The following VEGFC variants were observed in gnomAD, a reference collection of about 807,000 sequenced individuals.
The protein encoded by VEGFC is vascular endothelial growth factor C.
A neutral mutation model predicts 46.1 loss-of-function variants in VEGFC; 12 were observed. The observed-to-expected ratio is 0.26, with a 90% confidence interval of 0.17 to 0.42. The LOEUF (loss-of-function observed/expected upper bound fraction) is 0.42, where lower values mean the gene tolerates loss of function less well. Among genes scored for constraint, VEGFC ranks in the 10% least tolerant of loss-of-function variants. The probability of loss-of-function intolerance (pLI) is 1.00; values close to 1 mark genes in which losing one functional copy is unlikely to be tolerated. For synonymous variants in VEGFC, 232 were observed against 195.5 expected (o/e 1.19, Z -1.56); for missense variants, 488 against 529.4 (o/e 0.92, Z 0.77).
In VEGFC at chr4:176,687,389, A is replaced by T; in HGVS notation, c.943T>A (p.Cys315Ser). Reference sequence around the variant, plus strand: ...AGTTTGTTTTTACAGACACACTGGCATGAGTTTCTGTCTAGTTCTTTGTGG... The same window carrying T: ...AGTTTGTTTTTACAGACACACTGGCTTGAGTTTCTGTCTAGTTCTTTGTGG... ...GPHKELDRNS[C>S]QCVCKNKLFP... The change falls in exon 6 of 7, where the codon TGC becomes AGC. Residue 315 changes from cysteine (C) to serine (S), a missense_variant. Cys to Ser is a moderately radical substitution (Grantham distance 112). Transcript: ENST00000618562. 1 of 1,614,200 alleles carries T rather than the reference A, an allele frequency of 6.2e-7. No homozygotes were observed. The highest frequency in any genetic ancestry group is 8.5e-7 in the Non-Finnish European group (1 of 1,180,034).
At chr4:176,785,843 T>C (rs888912671) in intron 1 of VEGFC, among the ~76,000 whole-genome samples, 5 of 152,310 alleles carry the variant, frequency 3.3e-5, no homozygotes, top group Non-Finnish European at 7.3e-5. Context: ...TGGGGGGTTC[T>C]GTGTATGTGT....
In VEGFC at chr4:176,683,670, A is replaced by G; in HGVS notation, c.*256T>C. 3.4e-6 allele frequency: 1 copy of G among 298,006 alleles called. No individual in the cohort carries two copies. The highest frequency in any genetic ancestry group is 5.8e-5 in the East Asian group (1 of 17,270). 18.5% of individuals were successfully genotyped at this position (298,006 alleles called of 1,614,324 possible). A position where few individuals can be genotyped will look rare whatever the true frequency, so the allele number is the denominator to read the frequency against. ...AATATTTTTAGTGGAAATAAATTAT[A>G]TAGTCATTCTTTTAAAGAAATCACA... On this transcript the variant is annotated 3_prime_UTR_variant, in exon 7 of 7. Coordinates refer to ENST00000618562, the MANE Select transcript of VEGFC (RefSeq NM_005429.5).
intron 1 of VEGFC, among the ~76,000 whole-genome samples, chr4:176,774,599 G>T (rs1279447627): frequency 6.6e-6 from 1 of 152,086 alleles, no homozygotes; most frequent in East Asian, 1.9e-4. Flanking sequence ...AAAGAATCAA[G>T]AAATGGAAAA....
intron 4 of VEGFC, 89 bp downstream of exon 4, chr4:176,711,410 A>C: frequency 2.1e-6 from 3 of 1,407,764 alleles, no homozygotes; most frequent in Non-Finnish European, 2.8e-6. Context: ...AGTAAATTTC[A>C]CAGAGGTTAT....
intron 1 of VEGFC, among the ~76,000 whole-genome samples, chr4:176,780,383 A>AAAAAAAAAAAAAAAAAAAC (rs1735892048): frequency 2.2e-5 from 2 of 89,680 alleles, no homozygotes; most frequent in Admixed American, 1.4e-4. Context: ...CTCCATCTCA[A>AAAAAAAAAAAAAAAAAAAC]AAAAAAAAAA....
chr4:176,780,118 G>A (rs1037167664), intron 1 of VEGFC, among the ~76,000 whole-genome samples: 3 of 152,206 alleles, frequency 2.0e-5, no homozygotes, highest in African/African-American at 4.8e-5. Context: ...GGTGGCTCAC[G>A]CCTGTAATCC....
intron 3 of VEGFC, among the ~76,000 whole-genome samples, chr4:176,721,895 A>T (rs1303952395): frequency 1.3e-5 from 2 of 152,154 alleles, no homozygotes; most frequent in African/African-American, 4.8e-5. Flanking sequence ...AGTAGATGAG[A>T]AAATACAAGG....
chr4:176,781,048 AT>A (rs1185633291), intron 1 of VEGFC, among the ~76,000 whole-genome samples: 1 of 152,236 alleles, frequency 6.6e-6, no homozygotes, highest in Non-Finnish European at 1.5e-5. Flanking sequence ...AGGAAAAAAA[AT>A]ATTGCATTAA....
chr4:176,762,782 C>T (rs1245695611), intron 1 of VEGFC, among the ~76,000 whole-genome samples: 1 of 152,146 alleles, frequency 6.6e-6, no homozygotes, highest in Non-Finnish European at 1.5e-5. Flanking sequence ...GAGTATTCAA[C>T]ACTAAGTCAT....
chr4:176,685,067 C>T (rs1734015143), intron 6 of VEGFC, among the ~76,000 whole-genome samples: 1 of 152,132 alleles, frequency 6.6e-6, no homozygotes, highest in African/African-American at 2.4e-5. Flanking sequence ...GGAGTATGAG[C>T]ATGCCTAATG....
chr4:176,689,289 G>A (rs1253972419), intron 4 of VEGFC: 1 of 152,160 alleles, frequency 6.6e-6, no homozygotes, highest in Non-Finnish European at 1.5e-5. Context: ...AGAAAGTTTT[G>A]CAGACATACT....
At chr4:176,764,629 T>C (rs2110916243) in intron 1 of VEGFC, among the ~76,000 whole-genome samples, 1 of 152,240 alleles carries the variant, frequency 6.6e-6, no homozygotes, top group Non-Finnish European at 1.5e-5. Context: ...TGAATGGGTA[T>C]CCTGAAAGAC....
At chr4:176,764,891 CA>C (rs1735593479) in intron 1 of VEGFC, among the ~76,000 whole-genome samples, 1 of 151,684 alleles carries the variant, frequency 6.6e-6, no homozygotes, top group Admixed American at 6.6e-5. Context: ...ATAAGACTAA[CA>C]AAAAAATAGA....
chr4:176,699,877 A>T (rs1734395597), intron 4 of VEGFC, among the ~76,000 whole-genome samples: 1 of 152,186 alleles, frequency 6.6e-6, no homozygotes, highest in African/African-American at 2.4e-5. Flanking sequence ...AAAAACACAT[A>T]GACTTATCTT....
intron 1 of VEGFC, among the ~76,000 whole-genome samples, chr4:176,742,886 CTCAG>C (rs1444464226): frequency 6.6e-6 from 1 of 152,016 alleles, no homozygotes; most frequent in Non-Finnish European, 1.5e-5. Context: ...ATGGCAAGAA[CTCAG>C]TCAGGTGCTG....
intron 4 of VEGFC, among the ~76,000 whole-genome samples, chr4:176,696,536 T>G (rs904745516): frequency 1.3e-5 from 2 of 149,934 alleles, no homozygotes; most frequent in African/African-American, 5.0e-5. Context: ...GAAGAATCAA[T>G]ATCGTGAAAA....
At chr4:176,770,753 T>C (rs961752928) in intron 1 of VEGFC, among the ~76,000 whole-genome samples, 15 of 152,118 alleles carry the variant, frequency 9.9e-5, no homozygotes, top group East Asian at 3.9e-4. Flanking sequence ...CAGAGTTCAA[T>C]ACAAGCTATG....
At chr4:176,712,855 TATTC>T (rs1203209716) in intron 3 of VEGFC, among the ~76,000 whole-genome samples, 7 of 152,238 alleles carry the variant, frequency 4.6e-5, no homozygotes, top group Non-Finnish European at 1.0e-4. Flanking sequence ...ATTCCTTATA[TATTC>T]ATTTAAAATG....
rs1553997828 is a variant in VEGFC, at chr4:176,780,391, A to AAAAAAAAAACAAAC, written c.147+11773_147+11774insGTTTGTTTTTTTTT. On this transcript the variant is annotated intron_variant, in intron 1 of 6. Coordinates refer to ENST00000618562, the MANE Select transcript of VEGFC (RefSeq NM_005429.5). ...AGCGAGACTCCATCTCAAAAAAAAAAAAAAAAAACTCCTTCTAACCCATTC... is the reference window on the plus strand; with the variant it reads ...AGCGAGACTCCATCTCAAAAAAAAAAAAAAAAAAACAAACAAAAAAAACTCCTTCTAACCCATTC... Among the ~76,000 whole-genome samples, 53 of 148,676 alleles carry AAAAAAAAAACAAAC rather than the reference A, an allele frequency of 3.6e-4. 1 individual carries two copies. Among genetic ancestry groups the AAAAAAAAAACAAAC allele is most frequent in the African/African-American group, 1.3e-3 (53 of 41,006 alleles).
Sources: allele counts gnomAD v4.1 joint callset (sites outside exome capture counted in the v4.1 genomes callset), GRCh38; gene constraint gnomAD v4.1.1; transcripts MANE v1.5; gene names NCBI Gene and HGNC (gene_info 2026-07-23, HGNC 2026-07-21).